PCDHGB7: variants seen among roughly 807,000 people sequenced by gnomAD.
PCDHGB7 encodes protocadherin gamma subfamily B, 7.
Under a neutral mutation model 61.4 loss-of-function variants are expected in PCDHGB7, and 37 were observed. The observed-to-expected ratio is 0.60, with a 90% CI of 0.46 to 0.79. The LOEUF (loss-of-function observed/expected upper bound fraction) is 0.79, where lower values mean the gene tolerates loss of function less well. Among genes scored for constraint, PCDHGB7 ranks in the 30% least tolerant of loss-of-function variants. The pLI is 0.00. For synonymous variants in PCDHGB7, 464 were observed against 503.5 expected, an observed-to-expected ratio of 0.92 and a Z score of 1.05; for missense variants, 1,166 against 1,202.5, an observed-to-expected ratio of 0.97 and a Z score of 0.45.
At chr5:141,435,306 T>C (rs2154556603) in intron 1 of PCDHGB7, among the ~76,000 whole-genome samples, 1 of 152,358 alleles carries the variant, frequency 6.6e-6, no homozygotes, top group East Asian at 1.9e-4. Flanking sequence ...TGGTTTTAAA[T>C]CATTCATGAA....
intron 1 of PCDHGB7, among the ~76,000 whole-genome samples, chr5:141,469,088 G>A (rs1388316490): frequency 6.6e-6 from 1 of 151,604 alleles, no homozygotes; most frequent in Non-Finnish European, 1.5e-5. Context: ...ACCATTCTAG[G>A]CAACAAAGCA....
intron 1 of PCDHGB7, among the ~76,000 whole-genome samples, chr5:141,465,592 A>G (rs1485357197): frequency 6.6e-6 from 1 of 152,046 alleles, no homozygotes; most frequent in Non-Finnish European, 1.5e-5. Flanking sequence ...TAATAATCAG[A>G]TCTTATCACT....
Position 141,490,389 on chromosome 5 carries a change from T to C in PCDHGB7, c.2416-4418T>C, listed in dbSNP as rs1221410350. The C allele has an allele frequency of 6.2e-7, 1 of 1,614,174 alleles. No homozygotes were observed. Among genetic ancestry groups the C allele is most frequent in the African/African-American group, 1.3e-5 (1 of 75,040 alleles). On this transcript the variant is annotated intron_variant, in intron 1 of 3. Transcript: ENST00000398594. The surrounding 1 kb of genome is among the most constrained non-coding windows in gnomAD (Gnocchi z 5.4). The stretch of plus-strand genomic sequence containing the variant: ...GAGACCGGGACTCAGGTAGAAATGG[T>C]GAAGTGAGCCTTGATATCTCTCCGG...
intron 2 of PCDHGB7, among the ~76,000 whole-genome samples, chr5:141,496,207 T>C (rs973745475): frequency 6.6e-6 from 1 of 152,134 alleles, no homozygotes; most frequent in Non-Finnish European, 1.5e-5. Flanking sequence ...CAATCTGGTA[T>C]GAATTCCTGC....
chr5:141,421,964 C>T (rs772274014), intron 1 of PCDHGB7: 3 of 1,611,472 alleles, frequency 1.9e-6, no homozygotes, highest in Non-Finnish European at 1.7e-6. Flanking sequence ...TTTACACAGT[C>T]CGTATATCGC....
intron 1 of PCDHGB7, among the ~76,000 whole-genome samples, chr5:141,448,660 G>T (rs2098599264): frequency 6.6e-6 from 1 of 151,712 alleles, no homozygotes; most frequent in African/African-American, 2.4e-5. Context: ...TTCCATATTG[G>T]CCGGGCGCGG....
chr5:141,490,380 T>C lies in PCDHGB7; in HGVS notation c.2416-4427T>C, dbSNP rs1246254637. 1 of 1,614,204 alleles carries C rather than the reference T, an allele frequency of 6.2e-7. No individual in the cohort carries two copies. ...TTAATGTGCGAGACCGGGACTCAGGTAGAAATGGTGAAGTGAGCCTTGATA... is the reference window on the plus strand; with the variant it reads ...TTAATGTGCGAGACCGGGACTCAGGCAGAAATGGTGAAGTGAGCCTTGATA... On this transcript the variant is annotated intron_variant, in intron 1 of 3. Coordinates refer to ENST00000398594, the MANE Select transcript of PCDHGB7 (RefSeq NM_018927.4). This position sits in a 1 kb window ranked among gnomAD's most constrained non-coding sequence, Gnocchi z 5.4.
intron 1 of PCDHGB7, among the ~76,000 whole-genome samples, chr5:141,429,387 T>TAA (rs11410533): frequency 2.6e-5 from 4 of 151,334 alleles, no homozygotes; most frequent in African/African-American, 4.9e-5. Flanking sequence ...GTTTTTTTTT[T>TAA]AAAAAAAATT....
chr5:141,500,394 A>G (rs1024641290), intron 2 of PCDHGB7, among the ~76,000 whole-genome samples: 1 of 151,922 alleles, frequency 6.6e-6, no homozygotes, highest in Non-Finnish European at 1.5e-5. Flanking sequence ...TATTTTTAGT[A>G]GAGACGGGGT....
At chr5:141,427,397 T>C (rs944166415) in intron 1 of PCDHGB7, 2 of 460,626 alleles carry the variant, frequency 4.3e-6, no homozygotes, top group South Asian at 1.5e-5. Flanking sequence ...AAACACATGA[T>C]AAAGATTCGA....
intron 1 of PCDHGB7, chr5:141,430,441 C>A (rs1168234012): frequency 5.2e-6 from 1 of 192,346 alleles, no homozygotes; most frequent in Non-Finnish European, 1.0e-5. Flanking sequence ...GATTTCCATC[C>A]CCTTTTGAAG....
chr5:141,432,335 C>T lies in PCDHGB7; in HGVS notation c.2415+12061C>T, dbSNP rs146691720. On this transcript the variant is annotated intron_variant, in intron 1 of 3. Coordinates refer to ENST00000398594, the MANE Select transcript of PCDHGB7 (RefSeq NM_018927.4). This position sits in a 1 kb window ranked among gnomAD's most constrained non-coding sequence, Gnocchi z 6.0. ...GAGCTCCTTCGACTACGAGCAGTTC[C>T]GAGACTTGCAAGTGAAAGTGATGGC... 2.6e-5 allele frequency: 42 copies of T among 1,614,126 alleles called. No individual in the cohort carries two copies. Among genetic ancestry groups the T allele is most frequent in the African/African-American group, 1.2e-4 (9 of 74,940 alleles).
chr5:141,441,370 C>A (rs1378574921), intron 1 of PCDHGB7: 1 of 152,672 alleles, frequency 6.5e-6, no homozygotes, highest in African/African-American at 2.4e-5. Flanking sequence ...GGGCCGTGGA[C>A]CAGGAACAGA....
chr5:141,432,949 CG>C lies in PCDHGB7; in HGVS notation c.2415+12677del, dbSNP rs930064840. 6.2e-7 allele frequency: 1 copy of C among 1,614,066 alleles called. No individual in the cohort carries two copies. Among genetic ancestry groups the C allele is most frequent in the African/African-American group, 1.3e-5 (1 of 74,930 alleles). ...CACGCCTGCTGCAGGCTTCAGGAGG[CG>C]GCTTGACAGGAGCGCCGGCGTCGCA... On this transcript the variant is annotated intron_variant, in intron 1 of 3. Transcript: ENST00000398594. This position sits in a 1 kb window ranked among gnomAD's most constrained non-coding sequence, Gnocchi z 6.0.
chr5:141,433,236 C>G, intron 1 of PCDHGB7: 2 of 1,501,160 alleles, frequency 1.3e-6, no homozygotes, highest in South Asian at 1.3e-5. Flanking sequence ...CTCTGTCTCC[C>G]AAGCTGGAAT....
chr5:141,446,747 G>A (rs997132200), intron 1 of PCDHGB7, among the ~76,000 whole-genome samples: 10 of 152,190 alleles, frequency 6.6e-5, no homozygotes, highest in African/African-American at 1.4e-4. Context: ...GATTACAGGC[G>A]TGAGCCACCG....
At position 141,474,199 on chromosome 5, in the gene PCDHGB7, G is replaced by C. The variant is rs74540928; in HGVS notation, c.2416-20608G>C. Reference sequence around the variant, plus strand: ...AAAACTACTTACATTTTTAAAAGCTGATTTTCAAAAACCAGATTGTGAATT... The same window carrying C: ...AAAACTACTTACATTTTTAAAAGCTCATTTTCAAAAACCAGATTGTGAATT... On this transcript the variant is annotated intron_variant, in intron 1 of 3. Transcript: ENST00000398594. Among the ~76,000 whole-genome samples, 85 of 152,308 alleles carry C rather than the reference G, an allele frequency of 5.6e-4. 1 individual carries two copies. In the East Asian group the frequency reaches 0.016, roughly 29 times the overall value.
At position 141,510,965 on chromosome 5, in the gene PCDHGB7, C is replaced by T. The variant is rs1473736492; in HGVS notation, c.2582C>T (p.Ser861Phe). The T allele has an allele frequency of 3.1e-6, 5 of 1,614,026 alleles. No homozygotes were observed. The highest frequency in any genetic ancestry group is 4.2e-6 in the Non-Finnish European group (5 of 1,180,020). The change falls in exon 4 of 4, where the codon TCC becomes TTC. Residue 861 changes from serine (S) to phenylalanine (F), a missense_variant. Transcript: ENST00000398594. ...TCTGCAGAAGCTGCTGATGGGAGCT[C>T]CACCCTGGGAGGGGGTGCCGGCACC... ...ASASEAADGS[S>F]TLGGGAGTMG...
intron 1 of PCDHGB7, among the ~76,000 whole-genome samples, chr5:141,492,118 TC>T (rs1338861093): frequency 6.6e-6 from 1 of 152,176 alleles, no homozygotes; most frequent in Non-Finnish European, 1.5e-5. Flanking sequence ...CTTCGATTTC[TC>T]CCCAGCTCCC....
Sources: gnomAD v4.1 joint callset for allele counts (sites outside exome capture counted in the v4.1 genomes callset) on GRCh38, gnomAD v4.1.1 for gene constraint, Gnocchi (gnomAD v3.1) non-coding constraint, MANE v1.5 for transcripts, NCBI Gene and HGNC (gene_info 2026-07-23, HGNC 2026-07-21) for gene names.